Variants in KIAA1549L observed in about 807,000 individuals in gnomAD.
KIAA1549L encodes UPF0606 protein KIAA1549L.
A neutral mutation model predicts 160.7 loss-of-function variants in KIAA1549L; 88 were observed. That is an observed-to-expected ratio of 0.55 (90% confidence interval 0.46 to 0.65). The LOEUF (loss-of-function observed/expected upper bound fraction) is 0.65, where lower values mean the gene tolerates loss of function less well. Ranked by LOEUF, KIAA1549L falls within the 30% of genes least tolerant of loss-of-function variation. KIAA1549L has a pLI of 0.00. For synonymous variants in KIAA1549L, 950 were observed against 976.7 expected, an observed-to-expected ratio of 0.97 and a Z score of 0.51; for missense variants, 2,258 against 2,437.5, an observed-to-expected ratio of 0.93 and a Z score of 1.55.
intron 17 of KIAA1549L, among the ~76,000 whole-genome samples, chr11:33,651,585 T>G (rs1264418051): frequency 6.6e-6 from 1 of 152,132 alleles, no homozygotes; most frequent in Non-Finnish European, 1.5e-5. Context: ...CCAAATTCTT[T>G]GGGACCCCTT....
intron 1 of KIAA1549L, among the ~76,000 whole-genome samples, chr11:33,387,903 C>G (rs1295230364): frequency 2.0e-5 from 3 of 152,182 alleles, no homozygotes; most frequent in African/African-American, 7.2e-5. Flanking sequence ...CCAAGCCCAG[C>G]CAACGATTTT....
At position 33,609,781 on chromosome 11, in the gene KIAA1549L, C is replaced by G; in HGVS notation, c.5094C>G (p.Ile1698Met). 2 of 1,611,482 alleles carry G rather than the reference C, an allele frequency of 1.2e-6. No homozygotes were observed. Among genetic ancestry groups the G allele is most frequent in the Non-Finnish European group, 1.7e-6 (2 of 1,178,788 alleles). The change falls in exon 15 of 21, where the codon ATC (isoleucine) becomes ATG (methionine). Residue 1698 changes from isoleucine (I) to methionine (M), a missense_variant. Physicochemically the swap from Ile to Met is conservative, Grantham distance 10. Around this residue, in one of 6 missense-constraint regions of KIAA1549L, gnomAD observed 1,359 missense variants for 1,546.6 expected, o/e 0.88. Transcript: ENST00000658780. ...VNKALKQKSD[I>M]EHYRNKLRLK... ...AAGCCCTGAAGCAGAAGTCAGACATCGAGCACTATCGGAACAAGCTGCGCC... is the reference window on the plus strand; with the variant it reads ...AAGCCCTGAAGCAGAAGTCAGACATGGAGCACTATCGGAACAAGCTGCGCC...
At chr11:33,522,609 A>C (rs1853522068) in intron 1 of KIAA1549L, among the ~76,000 whole-genome samples, 1 of 152,190 alleles carries the variant, frequency 6.6e-6, no homozygotes, top group Non-Finnish European at 1.5e-5. Context: ...AGGCATTAGA[A>C]CCAATCAGTA....
chr11:33,641,410 C>G (rs1851575521), intron 16 of KIAA1549L, among the ~76,000 whole-genome samples: 1 of 151,738 alleles, frequency 6.6e-6, no homozygotes, highest in South Asian at 2.1e-4. Context: ...GATACTGTGG[C>G]ACATATATAA....
intron 1 of KIAA1549L, among the ~76,000 whole-genome samples, chr11:33,536,644 G>A (rs548322020): frequency 1.1e-4 from 16 of 152,314 alleles, no homozygotes; most frequent in African/African-American, 2.9e-4. Flanking sequence ...AAGGAGAGGG[G>A]ACATAGACAC....
chr11:33,590,965 G>A lies in KIAA1549L; in HGVS notation c.4567-272G>A, dbSNP rs916669462. On this transcript the variant is annotated intron_variant, in intron 11 of 20. Coordinates refer to ENST00000658780, the MANE Select transcript of KIAA1549L (RefSeq NM_012194.3). The stretch of plus-strand genomic sequence containing the variant: ...AATTCATGGTCTAAAATCTTTGAAA[G>A]AGGTTTGATCTTAAACACCTGTTTA... 2.6e-5 allele frequency among the ~76,000 whole-genome samples: 4 copies of A among 152,310 alleles called. No individual in the cohort carries two copies. The South Asian group carries it at 8.3e-4, about 32-fold the overall frequency.
intron 16 of KIAA1549L, among the ~76,000 whole-genome samples, chr11:33,629,558 C>G (rs984788580): frequency 6.6e-6 from 1 of 151,640 alleles, no homozygotes; most frequent in African/African-American, 2.4e-5. Context: ...TCGCTGATAC[C>G]CTTTCTTCCA....
At chr11:33,390,916 C>T (rs12285598) in intron 1 of KIAA1549L, among the ~76,000 whole-genome samples, 16,752 of 152,204 alleles carry the variant, frequency 0.11, 1,524 homozygotes, top group African/African-American at 0.25. Context: ...CTGGCCCTGG[C>T]ACACCAATGC....
intron 15 of KIAA1549L, among the ~76,000 whole-genome samples, chr11:33,610,861 G>A (rs892910016): frequency 6.6e-6 from 1 of 152,236 alleles, no homozygotes; most frequent in African/African-American, 2.4e-5. Context: ...CAAGGTGCCA[G>A]CATCTGGCAG....
chr11:33,472,420 C>T (rs2133029389), intron 1 of KIAA1549L, among the ~76,000 whole-genome samples: 1 of 152,120 alleles, frequency 6.6e-6, no homozygotes, highest in East Asian at 1.9e-4. Context: ...TGAGTCTGGC[C>T]CTCTTCCTTT....
intron 1 of KIAA1549L, among the ~76,000 whole-genome samples, chr11:33,393,411 T>G (rs1850309055): frequency 6.6e-6 from 1 of 152,218 alleles, no homozygotes; most frequent in African/African-American, 2.4e-5. Flanking sequence ...TTCATCAGAC[T>G]GTGAACTCGT....
chr11:33,469,296 A>G (rs1312518793), intron 1 of KIAA1549L, among the ~76,000 whole-genome samples: 1 of 152,032 alleles, frequency 6.6e-6, no homozygotes, highest in Non-Finnish European at 1.5e-5. Flanking sequence ...GTGGCCTTTT[A>G]TGTGTAGCTT....
chr11:33,614,570 A>T lies in KIAA1549L; in HGVS notation c.5280-3963A>T, dbSNP rs868246431. 2.0e-4 allele frequency among the ~76,000 whole-genome samples: 3 copies of T among 15,020 alleles called. 1 individual carries two copies. Among genetic ancestry groups the T allele is most frequent in the African/African-American group, 1.6e-3 (2 of 1,284 alleles). 9.9% of individuals were successfully genotyped at this position (15,020 alleles called of 152,430 possible). ...TATATATATATATATATATATATAT[A>T]TATATATATATATATTTTTTTTTTT... On this transcript the variant is annotated intron_variant, in intron 15 of 20. Coordinates refer to ENST00000658780, the MANE Select transcript of KIAA1549L (RefSeq NM_012194.3).
chr11:33,630,396 G>A (rs1590416044), intron 16 of KIAA1549L, among the ~76,000 whole-genome samples: 1 of 152,368 alleles, frequency 6.6e-6, no homozygotes, highest in East Asian at 1.9e-4. Flanking sequence ...CCACCTTGCA[G>A]TTTGATCTCA....
chr11:33,637,531 A>T (rs79929961), intron 16 of KIAA1549L, among the ~76,000 whole-genome samples: 1 of 152,326 alleles, frequency 6.6e-6, no homozygotes, highest in East Asian at 1.9e-4. Context: ...AGGTCTGTAT[A>T]TTAGTTTGCT....
In KIAA1549L at chr11:33,606,773, C is replaced by G. The variant is rs1194648110; in HGVS notation, c.5012C>G (p.Pro1671Arg). The G allele has an allele frequency of 6.2e-7, 1 of 1,613,332 alleles. No individual in the cohort carries two copies. Among genetic ancestry groups the G allele is most frequent in the Non-Finnish European group, 8.5e-7 (1 of 1,179,640 alleles). Residue 1671 changes from proline (P) to arginine (R), a missense_variant, in exon 14 of 21, where the codon CCC becomes CGC. By Grantham distance (103) the Pro-to-Arg change is moderately radical. Transcript: ENST00000658780. The part of the protein sequence containing the change: ...AIKPTALPMV[P>R]PTSDRSQESS... ...AAACCCACAGCCCTCCCCATGGTGCCCCCCACCTCGGACAGGAGCCAGGAG... is the reference window on the plus strand; with the variant it reads ...AAACCCACAGCCCTCCCCATGGTGCGCCCCACCTCGGACAGGAGCCAGGAG...
Position 33,484,354 on chromosome 11 carries a change from G to A in KIAA1549L, c.239-57448G>A, listed in dbSNP as rs188770375. Among the ~76,000 whole-genome samples the A allele has an allele frequency of 3.3e-5, 5 of 152,220 alleles. No homozygotes were observed. The East Asian group carries it at 9.7e-4, about 29-fold the overall frequency. Reference sequence around the variant, plus strand: ...CCGCCTTTGTTTTCCTCTTCCCCCTGATTCCCCTTGTCATGTGGTATGGAT... The same window carrying A: ...CCGCCTTTGTTTTCCTCTTCCCCCTAATTCCCCTTGTCATGTGGTATGGAT... On this transcript the variant is annotated intron_variant, in intron 1 of 20. Coordinates refer to ENST00000658780, the MANE Select transcript of KIAA1549L (RefSeq NM_012194.3).
intron 1 of KIAA1549L, among the ~76,000 whole-genome samples, chr11:33,451,393 A>C (rs1400470372): frequency 6.6e-6 from 1 of 152,250 alleles, no homozygotes; most frequent in Non-Finnish European, 1.5e-5. Flanking sequence ...ACAAGGGGAC[A>C]ACATAGACAA....
intron 1 of KIAA1549L, among the ~76,000 whole-genome samples, chr11:33,469,217 G>A (rs7929359): frequency 0.2 from 30,374 of 151,788 alleles, 3,296 homozygotes; most frequent in East Asian, 0.32. Flanking sequence ...CCAGTCCTAC[G>A]CAATCTACCT....
Sources: allele counts gnomAD v4.1 joint callset (sites outside exome capture counted in the v4.1 genomes callset), GRCh38; gene constraint gnomAD v4.1.1; regional missense constraint gnomAD v4.1.1; transcripts MANE v1.5; gene names NCBI Gene and HGNC (gene_info 2026-07-23, HGNC 2026-07-21).